Variants in KCNMA1 observed in about 807,000 individuals in gnomAD.
KCNMA1 encodes potassium calcium-activated channel subfamily M alpha 1, also known as Calcium-activated potassium channel subunit alpha-1.
A neutral mutation model predicts 140.0 loss-of-function variants in KCNMA1; 29 were observed. That is an observed-to-expected ratio of 0.21 (90% CI 0.15 to 0.28). The LOEUF is 0.28. KCNMA1 is among the 10% of genes least tolerant of loss of function. The pLI is 1.00. For synonymous variants in KCNMA1, 612 were observed against 611.9 expected (o/e 1.00, Z 0.00); for missense variants, 880 against 1,602.2 (o/e 0.55, Z 7.70).
chr10:77,239,299 T>C (rs938058752), intron 3 of KCNMA1, among the ~76,000 whole-genome samples: 6 of 152,220 alleles, frequency 3.9e-5, no homozygotes, highest in African/African-American at 1.4e-4. Context: ...CTGCACACTG[T>C]CCCTGCAGTT....
intron 1 of KCNMA1, among the ~76,000 whole-genome samples, chr10:77,541,106 T>C (rs904131089): frequency 1.3e-5 from 2 of 150,854 alleles, no homozygotes; most frequent in African/African-American, 4.9e-5. Context: ...TCCTTTAATA[T>C]AAGACAGGAA....
intron 14 of KCNMA1, among the ~76,000 whole-genome samples, chr10:77,054,204 T>C (rs1331368109): frequency 6.6e-6 from 1 of 152,212 alleles, no homozygotes. Flanking sequence ...CTCTTTCAGT[T>C]GTTCTTGCCT....
intron 14 of KCNMA1, among the ~76,000 whole-genome samples, chr10:77,067,660 G>A (rs2096009775): frequency 6.6e-6 from 1 of 152,180 alleles, no homozygotes; most frequent in South Asian, 2.1e-4. Flanking sequence ...AGCAGTGTGT[G>A]TCAATCCCTT....
chr10:77,308,587 A>G (rs1447886753), intron 2 of KCNMA1, among the ~76,000 whole-genome samples: 2 of 152,170 alleles, frequency 1.3e-5, no homozygotes, highest in African/African-American at 4.8e-5. Context: ...AAAGTCGACA[A>G]TTCCAGCTGC....
chr10:77,438,563 C>CAA (rs1181096294), intron 1 of KCNMA1, among the ~76,000 whole-genome samples: 1,872 of 103,646 alleles, frequency 0.018, 32 homozygotes, highest in African/African-American at 0.054. Flanking sequence ...AACTCTGTCT[C>CAA]AAAAAAAAAA....
intron 2 of KCNMA1, among the ~76,000 whole-genome samples, chr10:77,257,429 T>A (rs1381903493): frequency 6.6e-6 from 1 of 152,106 alleles, no homozygotes; most frequent in Non-Finnish European, 1.5e-5. Context: ...AACAGTCATC[T>A]CCAGGATATA....
In KCNMA1 at chr10:77,573,614, AATGGAATG is replaced by A. The variant is rs1319427224; in HGVS notation, c.378+63643_378+63650del. Among the ~76,000 whole-genome samples the A allele has an allele frequency of 7.0e-3, 690 of 98,792 alleles. 48 individuals carry two copies. The highest frequency in any genetic ancestry group is 0.012 in the South Asian group (29 of 2,434). The allele number at this position is 98,792 out of a possible 152,430, so 64.8% of individuals were successfully genotyped here. On this transcript the variant is annotated intron_variant, in intron 1 of 27. Transcript: ENST00000286628. The stretch of plus-strand genomic sequence containing the variant: ...AAGCAATTATTTTTTAAGAAAATGG[AATGGAATG>A]GAATGGAATGGAATGGAATGGAATA...
chr10:76,967,008 CA>C (rs1205900451), intron 20 of KCNMA1, among the ~76,000 whole-genome samples: 2 of 152,122 alleles, frequency 1.3e-5, no homozygotes, highest in African/African-American at 4.8e-5. Flanking sequence ...GATACAAGAA[CA>C]AAGGGAAGGA....
chr10:76,974,039 C>A (rs2076822809), intron 19 of KCNMA1: 1 of 153,288 alleles, frequency 6.5e-6, no homozygotes. Flanking sequence ...AAAAACAGTT[C>A]AAAGCAAATA....
At chr10:76,895,265 G>A (rs188377803) in intron 25 of KCNMA1, among the ~76,000 whole-genome samples, 5 of 152,280 alleles carry the variant, frequency 3.3e-5, no homozygotes, top group Non-Finnish European at 2.9e-5. Flanking sequence ...CTTGAGACAG[G>A]AGTCTTGCCA....
At chr10:76,992,472 T>TA (rs1163143577) in intron 19 of KCNMA1, among the ~76,000 whole-genome samples, 1 of 152,184 alleles carries the variant, frequency 6.6e-6, no homozygotes, top group African/African-American at 2.4e-5. Flanking sequence ...AGAACCCCTG[T>TA]AAGCAGATGT....
At chr10:77,509,902 A>G (rs1296964535) in intron 1 of KCNMA1, among the ~76,000 whole-genome samples, 1 of 152,188 alleles carries the variant, frequency 6.6e-6, no homozygotes. Flanking sequence ...TCTGGGGATC[A>G]TTAGTTGTCA....
chr10:77,464,586 A>C (rs2154525917), intron 1 of KCNMA1, among the ~76,000 whole-genome samples: 1 of 152,268 alleles, frequency 6.6e-6, no homozygotes, highest in South Asian at 2.1e-4. Context: ...TGGGACATTC[A>C]ATATCACTAC....
At chr10:77,476,356 T>C (rs2098277876) in intron 1 of KCNMA1, among the ~76,000 whole-genome samples, 1 of 151,916 alleles carries the variant, frequency 6.6e-6, no homozygotes, top group Non-Finnish European at 1.5e-5. Context: ...TGGCCCTAAA[T>C]CCAATCCACC....
intron 1 of KCNMA1, among the ~76,000 whole-genome samples, chr10:77,460,767 C>T (rs1289795596): frequency 6.6e-6 from 1 of 152,058 alleles, no homozygotes; most frequent in Non-Finnish European, 1.5e-5. Context: ...AATAATAATA[C>T]TGGAGACTCC....
At position 77,602,626 on chromosome 10, in the gene KCNMA1, C is replaced by T. The variant is rs549054040; in HGVS notation, c.378+34639G>A. On this transcript the variant is annotated intron_variant, in intron 1 of 27. Coordinates refer to ENST00000286628, the MANE Select transcript of KCNMA1 (RefSeq NM_001161352.2). ...TATGGAGGTAGCACACTAGGAGGTG[C>T]TTCCCTGCCCCACAAGCTGTCTGTC... Among the ~76,000 whole-genome samples, 18 of 152,228 alleles carry T rather than the reference C, an allele frequency of 1.2e-4. No individual in the cohort carries two copies. In the South Asian group the frequency reaches 3.3e-3, roughly 28 times the overall value.
chr10:77,029,248 G>A (rs968779399), intron 15 of KCNMA1, among the ~76,000 whole-genome samples: 3 of 152,084 alleles, frequency 2.0e-5, no homozygotes, highest in African/African-American at 7.2e-5. Context: ...ATAGAATATT[G>A]ATTAACTGAT....
intron 1 of KCNMA1, among the ~76,000 whole-genome samples, chr10:77,404,502 T>G (rs572741895): frequency 6.6e-6 from 1 of 152,112 alleles, no homozygotes; most frequent in Non-Finnish European, 1.5e-5. Context: ...GGTCTCAAAC[T>G]CCTGACCTCA....
intron 3 of KCNMA1, among the ~76,000 whole-genome samples, chr10:77,228,112 G>A (rs1299505352): frequency 2.0e-5 from 3 of 151,990 alleles, no homozygotes; most frequent in East Asian, 1.9e-4. Flanking sequence ...TTACAGGCAC[G>A]TGCCACCACG....
Sources: gnomAD v4.1 joint callset for allele counts (sites outside exome capture counted in the v4.1 genomes callset) on GRCh38, gnomAD v4.1.1 for gene constraint, MANE v1.5 for transcripts, NCBI Gene and HGNC (gene_info 2026-07-23, HGNC 2026-07-21) for gene names.